Variants in HDAC9 observed in about 807,000 individuals in gnomAD.
HDAC9 encodes the protein histone deacetylase 9.
A neutral mutation model predicts 139.4 loss-of-function variants in HDAC9; 41 were observed. That is an observed-to-expected ratio of 0.29 (90% confidence interval 0.23 to 0.38). HDAC9 has a LOEUF of 0.38. HDAC9 is among the 10% of genes least tolerant of loss of function. The probability of loss-of-function intolerance (pLI) is 1.00; values close to 1 mark genes in which losing one functional copy is unlikely to be tolerated. For synonymous variants in HDAC9, 517 were observed against 476.2 expected (o/e 1.09, Z -1.12); for missense variants, 1,147 against 1,297.0 (o/e 0.88, Z 1.78).
intron 2 of HDAC9, among the ~76,000 whole-genome samples, chr7:18,261,565 T>C (rs1795680708): frequency 1.3e-5 from 2 of 152,230 alleles, no homozygotes; most frequent in Non-Finnish European, 2.9e-5. Context: ...GTTCTTATCT[T>C]CATTCCCACT....
At chr7:18,509,473 G>A (rs1586484263) in intron 2 of HDAC9, 3 of 983,522 alleles carry the variant, frequency 3.1e-6, no homozygotes, top group Non-Finnish European at 2.4e-6. Context: ...TTTTTCCCCC[G>A]AGTGATTATC....
chr7:18,950,180 G>C (rs960093366), intron 23 of HDAC9, among the ~76,000 whole-genome samples: 2 of 151,748 alleles, frequency 1.3e-5, no homozygotes, highest in African/African-American at 4.8e-5. Flanking sequence ...TTTTTCTTCC[G>C]CTCAATTGGA....
chr7:18,463,745 G>T (rs1006945147), intron 1 of HDAC9, among the ~76,000 whole-genome samples: 3 of 151,680 alleles, frequency 2.0e-5, no homozygotes, highest in African/African-American at 7.3e-5. Flanking sequence ...TTTCCTCTCA[G>T]CATATTATGC....
chr7:18,246,686 G>T (rs1327470430), intron 2 of HDAC9, among the ~76,000 whole-genome samples: 1 of 152,050 alleles, frequency 6.6e-6, no homozygotes, highest in Non-Finnish European at 1.5e-5. Flanking sequence ...CGGATCCCTG[G>T]TAAGCCACTG....
intron 21 of HDAC9, among the ~76,000 whole-genome samples, chr7:18,868,444 G>A (rs1798656098): frequency 1.3e-5 from 2 of 152,202 alleles, no homozygotes; most frequent in South Asian, 4.1e-4. Flanking sequence ...TGGCATCAAG[G>A]AAAGGTAATT....
intron 16 of HDAC9, among the ~76,000 whole-genome samples, chr7:18,779,329 T>C (rs1791047352): frequency 6.6e-6 from 1 of 152,008 alleles, no homozygotes; most frequent in South Asian, 2.1e-4. Flanking sequence ...GCATGTTGTA[T>C]CACAAGGGAG....
chr7:18,335,143 A>G (rs1383643080), intron 1 of HDAC9, among the ~76,000 whole-genome samples: 1 of 151,500 alleles, frequency 6.6e-6, no homozygotes, highest in East Asian at 1.9e-4. Context: ...TTGTCAACTT[A>G]CTTCCCACCT....
At chr7:18,873,278 G>A (rs1194856236) in intron 21 of HDAC9, among the ~76,000 whole-genome samples, 1 of 152,082 alleles carries the variant, frequency 6.6e-6, no homozygotes, top group Non-Finnish European at 1.5e-5. Flanking sequence ...AGCCAATTCA[G>A]ATTTATGTGG....
Position 18,347,139 on chromosome 7 carries a change from G to A in HDAC9, c.-42+56624G>A, listed in dbSNP as rs372934100. ...TACTTGGTGAAAAATAAAATTCACC[G>A]TATTAATGTAACATTTTCCAATCCT... On this transcript the variant is annotated intron_variant, in intron 1 of 3. Coordinates refer to the HDAC9 transcript ENST00000413509. Among the ~76,000 whole-genome samples, 25 of 152,240 alleles carry A rather than the reference G, an allele frequency of 1.6e-4. 1 individual carries two copies. The highest frequency in any genetic ancestry group is 3.4e-3 in the Middle Eastern group (1 of 294).
intron 1 of HDAC9, among the ~76,000 whole-genome samples, chr7:18,122,458 A>C (rs1319209780): frequency 6.6e-6 from 1 of 152,194 alleles, no homozygotes; most frequent in African/African-American, 2.4e-5. Context: ...TAGCTGAAGA[A>C]AAAAGCCAAA....
At chr7:18,421,794 G>T (rs1789643906) in intron 1 of HDAC9, among the ~76,000 whole-genome samples, 1 of 152,198 alleles carries the variant, frequency 6.6e-6, no homozygotes, top group Non-Finnish European at 1.5e-5. Flanking sequence ...GAATGCACAA[G>T]ATTAATGAGA....
chr7:18,216,696 AC>A (rs1792339458), intron 2 of HDAC9, among the ~76,000 whole-genome samples: 1 of 152,152 alleles, frequency 6.6e-6, no homozygotes, highest in Non-Finnish European at 1.5e-5. Flanking sequence ...ACACAATTGG[AC>A]ATGTTTTATT....
chr7:18,648,862 A>G (rs1440639582), intron 11 of HDAC9, among the ~76,000 whole-genome samples, 179 bp downstream of exon 11: 2 of 152,154 alleles, frequency 1.3e-5, no homozygotes, highest in African/African-American at 4.8e-5. Context: ...TTTAACCACC[A>G]TTATGTTCAT....
chr7:18,498,814 A>C (rs1225434483), intron 2 of HDAC9, among the ~76,000 whole-genome samples: 1 of 152,004 alleles, frequency 6.6e-6, no homozygotes, highest in Non-Finnish European at 1.5e-5. Context: ...AGATGTATCA[A>C]TATGTCTTTA....
rs779782995 is a variant in HDAC9 at position 18,590,438 on chromosome 7, A to G, written c.367A>G (p.Arg123Gly). 6 of 1,606,486 alleles carry G rather than the reference A, an allele frequency of 3.7e-6. No individual in the cohort carries two copies. The Admixed American group carries it at 8.5e-5, about 23-fold the overall frequency. The change falls in exon 4 of 26, where the codon AGA (arginine) becomes GGA (glycine). Residue 123 changes from arginine (R) to glycine (G), a missense_variant. Coordinates refer to ENST00000686413, the MANE Select transcript of HDAC9 (RefSeq NM_178425.4). ...AGAACAGGAAGTAGAGAGGCATCGC[A>G]GAGAACAGCAGCTTCCTCCTCTCAG... The part of the protein sequence containing the change: ...RQEQEVERHR[R>G]EQQLPPLRGK...
chr7:18,162,538 T>A lies in HDAC9; in HGVS notation c.25+189T>A, dbSNP rs1396702495. 13 of 590,334 alleles carry A rather than the reference T, an allele frequency of 2.2e-5. No homozygotes were observed. In the East Asian group the frequency reaches 3.4e-4, roughly 16 times the overall value. The allele number at this position is 590,334 out of a possible 1,614,324, so 36.6% of individuals were successfully genotyped here. On this transcript the variant is annotated intron_variant, in intron 2 of 12. Coordinates refer to the HDAC9 transcript ENST00000417496. ...CTATTGCTTAACCCAGTTTGCTTCC[T>A]GGACAACTGATTTGATTTGCATTGT...
intron 21 of HDAC9, among the ~76,000 whole-genome samples, chr7:18,855,775 C>T (rs936146238): frequency 1.3e-5 from 2 of 152,036 alleles, no homozygotes; most frequent in Non-Finnish European, 2.9e-5. Flanking sequence ...AGCTGTCTAA[C>T]CAAACGGTAG....
At chr7:18,677,855 T>G (rs914488215) in intron 12 of HDAC9, among the ~76,000 whole-genome samples, 5 of 151,956 alleles carry the variant, frequency 3.3e-5, no homozygotes, top group African/African-American at 1.2e-4. Context: ...GCACTTGATG[T>G]GTTCCATTCT....
At chr7:18,859,144 A>G (rs551233076) in intron 21 of HDAC9, among the ~76,000 whole-genome samples, 10 of 152,250 alleles carry the variant, frequency 6.6e-5, no homozygotes, top group Non-Finnish European at 1.0e-4. Context: ...AATTGGGATC[A>G]AAGTACATAA....
Sources: gnomAD v4.1 joint callset for allele counts (sites outside exome capture counted in the v4.1 genomes callset) on GRCh38, gnomAD v4.1.1 for gene constraint, MANE v1.5 for transcripts, NCBI Gene and HGNC (gene_info 2026-07-23, HGNC 2026-07-21) for gene names.